Variants in RANBP2 observed in about 807,000 individuals in gnomAD.
RANBP2 encodes RAN binding protein 2, also known as E3 SUMO-protein ligase RanBP2.
RANBP2 carries 57 observed loss-of-function variants against 303.6 expected under a neutral mutation model. The observed-to-expected ratio is 0.19, with a 90% CI of 0.15 to 0.23. RANBP2 has a LOEUF of 0.23. RANBP2 is among the 10% of genes least tolerant of loss of function. RANBP2 has a pLI of 1.00. For synonymous variants in RANBP2, 1,167 were observed against 1,301.5 expected (o/e 0.90, Z 2.23); for missense variants, 3,138 against 3,780.8 (o/e 0.83, Z 4.46).
chr2:108,981,507 C>T, the RANBP2 span, among the ~76,000 whole-genome samples: 3 of 152,210 alleles, frequency 2.0e-5, no homozygotes, highest in African/African-American at 7.2e-5. Flanking sequence ...TAGCTCCCAG[C>T]ATCCTGCAGC....
chr2:109,671,759 C>T, the RANBP2 span, among the ~76,000 whole-genome samples: 1 of 151,836 alleles, frequency 6.6e-6, no homozygotes, highest in South Asian at 2.1e-4. Flanking sequence ...ATGAGTGTAG[C>T]ATTATCTCAC....
chr2:109,016,417 C>T, the RANBP2 span, among the ~76,000 whole-genome samples: 1 of 152,144 alleles, frequency 6.6e-6, no homozygotes, highest in African/African-American at 2.4e-5. Flanking sequence ...CCAACCTTCC[C>T]CCTTTCCTTC....
the RANBP2 span, among the ~76,000 whole-genome samples, chr2:108,985,497 C>A: frequency 6.6e-6 from 1 of 152,214 alleles, no homozygotes; most frequent in Admixed American, 6.5e-5. Flanking sequence ...TTTCCATAGT[C>A]CTCTGTTTTC....
the RANBP2 span, among the ~76,000 whole-genome samples, chr2:109,591,258 A>C: frequency 1.3e-5 from 2 of 152,332 alleles, no homozygotes; most frequent in East Asian, 3.9e-4. Flanking sequence ...TGCTTATTAC[A>C]TAAAAGTTGA....
chr2:109,340,437 A>C, the RANBP2 span, among the ~76,000 whole-genome samples: 1 of 152,194 alleles, frequency 6.6e-6, no homozygotes, highest in Non-Finnish European at 1.5e-5. Context: ...GGGTGAGAGA[A>C]GGTTTACACC....
At chr2:109,442,517 TGAAA>T in the RANBP2 span, among the ~76,000 whole-genome samples, 1 of 152,114 alleles carries the variant, frequency 6.6e-6, no homozygotes. Context: ...TAAACAAAAG[TGAAA>T]GCAATCTAGT....
the RANBP2 span, chr2:109,568,054 T>A: frequency 1.8e-6 from 2 of 1,124,988 alleles, no homozygotes; most frequent in Non-Finnish European, 2.5e-6. Context: ...CACTCAAAAC[T>A]GTTCATTCTG....
chr2:109,069,598 G>A, the RANBP2 span, among the ~76,000 whole-genome samples: 2 of 152,226 alleles, frequency 1.3e-5, no homozygotes, highest in South Asian at 2.1e-4. Context: ...CTGAGACAAC[G>A]TACTTTGTTC....
the RANBP2 span, among the ~76,000 whole-genome samples, chr2:108,958,017 A>T: frequency 2.0e-5 from 3 of 151,704 alleles, no homozygotes; most frequent in Non-Finnish European, 4.4e-5. Context: ...CCTTTGGATT[A>T]AAAAAAAATC....
the RANBP2 span, among the ~76,000 whole-genome samples, chr2:108,889,041 A>G: frequency 2.6e-5 from 4 of 151,436 alleles, no homozygotes; most frequent in African/African-American, 4.9e-5. Flanking sequence ...TTTTCATATT[A>G]ATTTCTTTTT....
the RANBP2 span, chr2:109,593,010 T>C: frequency 3.7e-6 from 5 of 1,342,162 alleles, no homozygotes; most frequent in Non-Finnish European, 5.0e-6. Flanking sequence ...CATAGAAGCA[T>C]TTAGAGTACA....
chr2:109,560,807 C>T, the RANBP2 span, among the ~76,000 whole-genome samples: 11 of 152,126 alleles, frequency 7.2e-5, no homozygotes, highest in Non-Finnish European at 1.0e-4. Flanking sequence ...ATTCAGGAGA[C>T]TAGGCGTCTC....
At chr2:109,448,055 C>T in the RANBP2 span, among the ~76,000 whole-genome samples, 73 of 152,258 alleles carry the variant, frequency 4.8e-4, no homozygotes, top group African/African-American at 1.6e-3. Context: ...CAAGGCAGCT[C>T]TCACATGCTC....
intron 6 of RANBP2, among the ~76,000 whole-genome samples, chr2:108,737,673 G>A (rs528868753): frequency 2.1e-4 from 32 of 149,744 alleles, no homozygotes; most frequent in Admixed American, 6.0e-4. Flanking sequence ...CTCTGCCTCC[G>A]GAATAGGTGG....
chr2:109,727,495 T>G, the RANBP2 span, among the ~76,000 whole-genome samples: 1 of 152,340 alleles, frequency 6.6e-6, no homozygotes, highest in South Asian at 2.1e-4. Context: ...TCACTACATG[T>G]ACCTGCTCAA....
chr2:109,198,077 G>T, the RANBP2 span, among the ~76,000 whole-genome samples: 121,678 of 152,010 alleles, frequency 0.8, 48,888 homozygotes, highest in East Asian at 0.86. Flanking sequence ...GTCAGTTGGG[G>T]GTGCTCGGGA....
chr2:109,160,286 C>T, the RANBP2 span, among the ~76,000 whole-genome samples: 1 of 152,166 alleles, frequency 6.6e-6, no homozygotes, highest in Non-Finnish European at 1.5e-5. Flanking sequence ...GAGGTTGCTG[C>T]CCAAGACAGA....
At chr2:109,642,143 G>C in the RANBP2 span, among the ~76,000 whole-genome samples, 1 of 152,184 alleles carries the variant, frequency 6.6e-6, no homozygotes, top group East Asian at 1.9e-4. Context: ...GGCTAGGCTG[G>C]TCTCGAACTC....
the RANBP2 span, among the ~76,000 whole-genome samples, chr2:109,125,787 C>T: frequency 3.9e-5 from 6 of 152,200 alleles, no homozygotes; most frequent in African/African-American, 9.7e-5. Flanking sequence ...CAAATTTAAC[C>T]GAGTAACATA....
Sources: allele counts gnomAD v4.1 joint callset (sites outside exome capture counted in the v4.1 genomes callset), GRCh38; gene constraint gnomAD v4.1.1; transcripts MANE v1.5; gene names NCBI Gene and HGNC (gene_info 2026-07-23, HGNC 2026-07-21).